The following UBE2Z variants were observed in gnomAD, a reference collection of about 807,000 sequenced individuals.
The protein encoded by UBE2Z is ubiquitin conjugating enzyme E2 Z, also known as ubiquitin-conjugating enzyme E2 Z.
UBE2Z carries 10 observed loss-of-function variants against 32.6 expected under a neutral mutation model. The observed-to-expected ratio is 0.31, with a 90% confidence interval of 0.19 to 0.52. The LOEUF is 0.52. UBE2Z is among the 20% of genes least tolerant of loss of function. The probability of loss-of-function intolerance (pLI) is 0.97; values close to 1 mark genes in which losing one functional copy is unlikely to be tolerated. For missense variants in UBE2Z, 343 were observed against 480.9 expected, an observed-to-expected ratio of 0.71 and a Z score of 2.68; for synonymous variants, 183 against 190.8, an observed-to-expected ratio of 0.96 and a Z score of 0.34.
intron 5 of UBE2Z, among the ~76,000 whole-genome samples, chr17:48,921,675 T>C (rs999467312): frequency 6.6e-6 from 1 of 152,248 alleles, no homozygotes; most frequent in Admixed American, 6.5e-5. Flanking sequence ...GGTTTGGGAT[T>C]GGGGATGGCT....
At position 48,927,055 on chromosome 17, in the gene UBE2Z, A is replaced by G. The variant is rs1472355323; in HGVS notation, c.986A>G (p.His329Arg). 1.4e-5 allele frequency: 22 copies of G among 1,613,940 alleles called. No individual in the cohort carries two copies. The highest frequency in any genetic ancestry group is 1.7e-5 in the Non-Finnish European group (20 of 1,179,862). Residue 329 changes from histidine (H) to arginine (R), a missense_variant, in exon 7 of 7, where the codon CAT becomes CGT. Transcript: ENST00000360943. ...CGTCAGAAAGTGCTGGAGAGGCTCC[A>G]TAATGAGAATGCAGAAATGGACTCT... ...LIRQKVLERL[H>R]NENAEMDSDS...
At chr17:48,917,598 C>T (rs192570089) in intron 4 of UBE2Z, among the ~76,000 whole-genome samples, 6 of 152,272 alleles carry the variant, frequency 3.9e-5, no homozygotes, top group Admixed American at 3.9e-4. Context: ...TTTGAGTTAA[C>T]AGTGCCAACG....
intron 1 of UBE2Z, among the ~76,000 whole-genome samples, chr17:48,909,449 T>A (rs2040659230): frequency 6.6e-6 from 1 of 151,734 alleles, no homozygotes; most frequent in African/African-American, 2.4e-5. Context: ...CTCTTACGCC[T>A]CTTCCAGAAA....
chr17:48,912,786 G>T (rs1567777563), intron 2 of UBE2Z, 48 bp from the exon 3 acceptor site: 2 of 1,603,746 alleles, frequency 1.2e-6, no homozygotes, highest in African/African-American at 1.3e-5. Flanking sequence ...AGGAGGGCTT[G>T]GGGTGGGTCA....
intron 4 of UBE2Z, among the ~76,000 whole-genome samples, chr17:48,917,535 C>A (rs1403970097): frequency 6.6e-6 from 1 of 152,106 alleles, no homozygotes. Flanking sequence ...TTATGAAGGA[C>A]TGTTACCTGC....
At chr17:48,913,841 CGGTGGT>C (rs909982929) in intron 3 of UBE2Z, among the ~76,000 whole-genome samples, 1 of 151,912 alleles carries the variant, frequency 6.6e-6, no homozygotes, top group African/African-American at 2.4e-5. Context: ...AAGGCAGTGG[CGGTGGT>C]GGTGGTGGTG....
At chr17:48,923,557 G>A (rs2040778133) in intron 6 of UBE2Z, among the ~76,000 whole-genome samples, 1 of 151,722 alleles carries the variant, frequency 6.6e-6, no homozygotes, top group Admixed American at 6.6e-5. Flanking sequence ...GCTTGAACCT[G>A]GGAGGCCGAG....
rs1213253271 is a variant in UBE2Z at position 48,921,155 on chromosome 17, T to C, written c.691-5T>C. On this transcript the variant is annotated splice_polypyrimidine_tract_variant and splice_region_variant and intron_variant, in intron 4 of 6. Transcript: ENST00000360943. ...TGGAATACTCTGGCATCTGTTACAT[T>C]ATAGGAGAGACATCCAGGAGACAGC... is the stretch of plus-strand genomic sequence containing the variant. 1 of 1,606,544 alleles carries C rather than the reference T, an allele frequency of 6.2e-7. No individual in the cohort carries two copies. Among genetic ancestry groups the C allele is most frequent in the Admixed American group, 1.7e-5 (1 of 58,812 alleles).
At chr17:48,917,072 C>T (rs986241278) in intron 4 of UBE2Z, among the ~76,000 whole-genome samples, 7 of 151,430 alleles carry the variant, frequency 4.6e-5, no homozygotes, top group Non-Finnish European at 7.4e-5. Context: ...TTTGGGAGGC[C>T]GAGGCGGGCA....
intron 4 of UBE2Z, among the ~76,000 whole-genome samples, chr17:48,920,402 C>T (rs1297881229): frequency 6.6e-6 from 1 of 152,042 alleles, no homozygotes; most frequent in African/African-American, 2.4e-5. Flanking sequence ...AGGCTTGAGA[C>T]AGGAGAATCG....
chr17:48,908,781 G>A lies in UBE2Z; in HGVS notation c.278G>A (p.Gly93Asp). Residue 93 changes from glycine (G) to aspartate (D), a missense_variant, in exon 1 of 7, where the codon GGC becomes GAC. This residue lies in a region of UBE2Z where 55 missense variants were observed against 56.2 expected (regional missense o/e 0.98). Transcript: ENST00000360943. Reference protein sequence around the residue: ...WDPTLSSDWDGERTAPQCLLR... With the variant: ...WDPTLSSDWDDERTAPQCLLR... ...CCCACGCTCAGCTCCGACTGGGACGGCGAGCGCACCGCGCCGCAGTGTCTA... is the reference window on the plus strand; with the variant it reads ...CCCACGCTCAGCTCCGACTGGGACGACGAGCGCACCGCGCCGCAGTGTCTA... 1 of 1,508,046 alleles carries A rather than the reference G, an allele frequency of 6.6e-7. No individual in the cohort carries two copies. The highest frequency in any genetic ancestry group is 1.2e-5 in the South Asian group (1 of 83,030). The allele number at this position is 1,508,046 out of a possible 1,614,324, so 93.4% of individuals were successfully genotyped here.
intron 3 of UBE2Z, chr17:48,915,864 T>TGGGGGGGGGGGGGGGGGGGGGGGGGGGG: frequency 2.9e-6 from 1 of 342,846 alleles, no homozygotes; most frequent in South Asian, 4.3e-5. Flanking sequence ...CCTGTTCTTT[T>TGGGGGGGGGGGGGGGGGGGGGGGGGGGG]GCCCCCCCCC....
At chr17:48,916,218 T>C in intron 4 of UBE2Z, 31 bp downstream of exon 4, 1 of 1,336,388 alleles carries the variant, frequency 7.5e-7, no homozygotes, top group Non-Finnish European at 1.0e-6. Flanking sequence ...CTCTGGGGTG[T>C]AGACTATTGT....
intron 1 of UBE2Z, among the ~76,000 whole-genome samples, chr17:48,909,257 G>A (rs1412662699): frequency 6.6e-6 from 1 of 151,028 alleles, no homozygotes; most frequent in East Asian, 2.0e-4. Context: ...TTCTCCTCTG[G>A]AGCCCCGTTC....
At chr17:48,913,050 C>A (rs781725452) in intron 3 of UBE2Z, 29 bp downstream of exon 3, 1 of 1,603,844 alleles carries the variant, frequency 6.2e-7, no homozygotes, top group South Asian at 1.1e-5. Context: ...GTAGCCAAGT[C>A]GGTTGTTAGC....
At chr17:48,913,143 C>T (rs1416737588) in intron 3 of UBE2Z, 122 bp downstream of exon 3, 5 of 940,128 alleles carry the variant, frequency 5.3e-6, no homozygotes, top group Non-Finnish European at 8.0e-6. Flanking sequence ...AGTGACTCTT[C>T]TCAAATCTCC....
At chr17:48,923,388 T>C (rs374365910) in intron 6 of UBE2Z, among the ~76,000 whole-genome samples, 31 of 149,918 alleles carry the variant, frequency 2.1e-4, no homozygotes, top group African/African-American at 7.4e-4. Context: ...CCCAGCACTT[T>C]GGGAGGCTGA....
chr17:48,921,248 A>G lies in UBE2Z; in HGVS notation c.779A>G (p.Lys260Arg). ...GCAGTCTGTGACATGATGGAAGGAA[A>G]GTGTCCCTGTCCTGAACCCCTACGG... ...RVAVCDMMEG[K>R]CPCPEPLRGV... Residue 260 changes from lysine (K) to arginine (R), a missense_variant, in exon 5 of 7, where the codon AAG (lysine) becomes AGG (arginine). This residue lies in a region of UBE2Z where 182 missense variants were observed against 312.4 expected (regional missense o/e 0.58). Transcript: ENST00000360943. The G allele has an allele frequency of 6.2e-7, 1 of 1,612,534 alleles. No homozygotes were observed.
At chr17:48,924,689 T>C (rs1249955380) in intron 6 of UBE2Z, among the ~76,000 whole-genome samples, 2 of 150,960 alleles carry the variant, frequency 1.3e-5, no homozygotes, top group African/African-American at 2.4e-5. Flanking sequence ...CTACTAAAAA[T>C]ACAAAAATTA....
Sources: allele counts gnomAD v4.1 joint callset (sites outside exome capture counted in the v4.1 genomes callset), GRCh38; gene constraint gnomAD v4.1.1; regional missense constraint gnomAD v4.1.1; transcripts MANE v1.5; gene names NCBI Gene and HGNC (gene_info 2026-07-23, HGNC 2026-07-21).